KLC3: variants seen among roughly 807,000 people sequenced by gnomAD.
The protein encoded by KLC3 is kinesin light chain 2.
In KLC3, 72 loss-of-function variants were observed where a neutral mutation model predicts 62.9. The observed-to-expected ratio is 1.15, with a 90% CI of 0.95 to 1.39. The LOEUF (loss-of-function observed/expected upper bound fraction) is 1.39. Among genes scored for constraint, KLC3 ranks in the 40% most tolerant of loss-of-function variants. The probability of loss-of-function intolerance (pLI) is 0.00; values close to 1 mark genes in which losing one functional copy is unlikely to be tolerated. For synonymous variants in KLC3, 377 were observed against 300.5 expected (o/e 1.25, Z -2.63); for missense variants, 848 against 691.6 (o/e 1.23, Z -2.54).
At chr19:45,344,232 T>A (rs1319102701) in intron 1 of KLC3, among the ~76,000 whole-genome samples, 12 of 146,756 alleles carry the variant, frequency 8.2e-5, no homozygotes, top group African/African-American at 2.5e-4. Context: ...TTTTTTTTTT[T>A]AAATGAAGTC....
At position 45,350,622 on chromosome 19, in the gene KLC3, A is replaced by G; in HGVS notation, c.1273-19A>G. The G allele has an allele frequency of 6.2e-7, 1 of 1,612,552 alleles. No individual in the cohort carries two copies. Among genetic ancestry groups the G allele is most frequent in the South Asian group, 1.1e-5 (1 of 91,024 alleles). On this transcript the variant is annotated intron_variant, in intron 10 of 12. Transcript: ENST00000391946. ...GCATGGGCCTGGGGGACTGAGCAGCATCCCCGGCCCCTCCCCAGGCCCTTC... is the reference window on the plus strand; with the variant it reads ...GCATGGGCCTGGGGGACTGAGCAGCGTCCCCGGCCCCTCCCCAGGCCCTTC...
In KLC3 at chr19:45,350,798, GCCCAC is replaced by G. The variant is rs776996317; in HGVS notation, c.1379+60_1379+64del. 53 of 1,434,908 alleles carry G rather than the reference GCCCAC, an allele frequency of 3.7e-5. No individual in the cohort carries two copies. In the African/African-American group the frequency reaches 6.1e-4, roughly 17 times the overall value. 88.9% of individuals were successfully genotyped at this position (1,434,908 alleles called of 1,614,324 possible). A position where few individuals can be genotyped will look rare whatever the true frequency, so the allele number is the denominator to read the frequency against. On this transcript the variant is annotated intron_variant, in intron 11 of 12. Transcript: ENST00000391946. Reference sequence around the variant, plus strand: ...AGCCCTGACATCAGCAGAATCCACAGCCCACCCCACCCCCACCCCCATCTTGCTCA... The same window carrying G: ...AGCCCTGACATCAGCAGAATCCACAGCCCACCCCCACCCCCATCTTGCTCA...
At chr19:45,346,986 A>G (rs1971514755) in intron 3 of KLC3, 1 of 521,304 alleles carries the variant, frequency 1.9e-6, no homozygotes, top group Non-Finnish European at 3.4e-6. Flanking sequence ...CTACTCCACG[A>G]AGCCCCCGAG....
In KLC3 at chr19:45,348,882, A is replaced by G; in HGVS notation, c.930A>G (p.Ala310=). The G allele has an allele frequency of 1.9e-6, 3 of 1,588,640 alleles. No individual in the cohort carries two copies. The highest frequency in any genetic ancestry group is 3.6e-5 in the Admixed American group (2 of 55,600). ...GGAAGCGTGGGCGTTACCGGGAGGCAGAGCCCCTGTGCCAGCGCGCTTTGG... is the reference window on the plus strand; with the variant it reads ...GGAAGCGTGGGCGTTACCGGGAGGCGGAGCCCCTGTGCCAGCGCGCTTTGG... The part of the protein sequence containing the change: ...LYGKRGRYRE[A]EPLCQRALEI... The change falls in exon 7 of 13, where the codon GCA becomes GCG. Residue 310 remains alanine (A), a synonymous_variant. Transcript: ENST00000391946.
intron 1 of KLC3, among the ~76,000 whole-genome samples, chr19:45,342,777 A>C (rs1457506582): frequency 6.6e-6 from 1 of 152,132 alleles, no homozygotes; most frequent in East Asian, 1.9e-4. Context: ...AAAAAAATAA[A>C]ATTAAATTTT....
chr19:45,344,380 T>C (rs1267646676), intron 1 of KLC3, among the ~76,000 whole-genome samples: 2 of 51,732 alleles, frequency 3.9e-5, no homozygotes, highest in Admixed American at 1.7e-4. Flanking sequence ...TGCTCTGCTA[T>C]TTTTTTTTTT....
At position 45,345,790 on chromosome 19, in the gene KLC3, CGAGGCCCAGGTATGA is replaced by C; in HGVS notation, c.251_258+7del. ...TGGAGGCCATCGAGCTGGGGCTGGGCGAGGCCCAGGTATGAGGGGGCCAGGTGGGGAGCTGGGGGA... is the reference window on the plus strand; with the variant it reads ...TGGAGGCCATCGAGCTGGGGCTGGGCGGGGGCCAGGTGGGGAGCTGGGGGA... On this transcript the variant is annotated splice_donor_variant and splice_donor_5th_base_variant and coding_sequence_variant and intron_variant, in exon 2 of 13. Transcript: ENST00000391946. LOFTEE classifies it high-confidence loss of function. 1.3e-6 allele frequency: 2 copies of C among 1,537,074 alleles called. No individual in the cohort carries two copies. The highest frequency in any genetic ancestry group is 4.4e-4 in the Middle Eastern group (2 of 4,578).
In KLC3 at chr19:45,348,824, C is replaced by T. The variant is rs1030136012; in HGVS notation, c.872C>T (p.Ala291Val). The T allele has an allele frequency of 1.4e-5, 22 of 1,565,554 alleles. No homozygotes were observed. The highest frequency in any genetic ancestry group is 3.8e-5 in the Admixed American group (2 of 52,032). Residue 291 changes from alanine to valine, a missense_variant, in exon 7 of 13, where the codon GCC becomes GTC. By Grantham distance (64) the Ala-to-Val change is moderately conservative (BLOSUM62 0). Transcript: ENST00000391946. ...GTGCCTCCCCCAACCCCGCAGGTGG[C>T]CGCCACGCTCAACAACTTGGCTGTC... ...QTLGPEHPAV[A>V]ATLNNLAVLY... is the part of the protein sequence containing the mutation.
At chr19:45,351,150 G>A (rs1971746925) in intron 12 of KLC3, 133 bp downstream of exon 12, 6 of 1,593,998 alleles carry the variant, frequency 3.8e-6, no homozygotes, top group South Asian at 3.4e-5. Context: ...CCCAGGACAG[G>A]AGCAAAGATG....
intron 8 of KLC3, 59 bp from the exon 9 acceptor site, chr19:45,350,282 C>G (rs1971665428): frequency 1.6e-6 from 2 of 1,244,746 alleles, no homozygotes; most frequent in East Asian, 2.3e-5. Flanking sequence ...AAAGGCGGGA[C>G]TGGATGCAGT....
chr19:45,349,724 T>G (rs1230876800), intron 8 of KLC3, 122 bp downstream of exon 8: 2 of 914,746 alleles, frequency 2.2e-6, no homozygotes, highest in Admixed American at 6.1e-5. Context: ...GCCGGGCCCT[T>G]GGAGCAAGTG....
At chr19:45,341,576 T>C (rs113468426) in intron 1 of KLC3, among the ~76,000 whole-genome samples, 4,671 of 129,932 alleles carry the variant, frequency 0.036, 77 homozygotes, top group Non-Finnish European at 0.047. Flanking sequence ...TGTGTGTGTG[T>C]GTGCGCGCGC....
In KLC3 at chr19:45,350,726, AGGC is replaced by A. The variant is rs758554856; in HGVS notation, c.1365_1367del (p.Ala456del). On this transcript the variant is annotated inframe_deletion, in exon 11 of 13. Transcript: ENST00000391946. Reference sequence around the variant, plus strand: ...AAGCTGGTCTCCCGGCTCCGAGGCGAGGCGGCGGCAGGAGCAGCCGGGTGAGTG... The same window carrying A: ...AAGCTGGTCTCCCGGCTCCGAGGCGAGGCGGCAGGAGCAGCCGGGTGAGTG... The A allele has an allele frequency of 6.8e-5, 110 of 1,612,726 alleles. No homozygotes were observed. In the African/African-American group the frequency reaches 1.2e-3, roughly 18 times the overall value.
chr19:45,346,889 C>T (rs1488377123), intron 3 of KLC3, 115 bp downstream of exon 3: 9 of 1,007,012 alleles, frequency 8.9e-6, no homozygotes, highest in Non-Finnish European at 1.3e-5. Context: ...TCCCACAGTC[C>T]CCCAGACCCT....
chr19:45,351,357 A>T lies in KLC3; in HGVS notation c.1515A>T (p.Ter505TyrextTer47). 1 of 1,610,554 alleles carries T rather than the reference A, an allele frequency of 6.2e-7. No homozygotes were observed. Among genetic ancestry groups the T allele is most frequent in the Non-Finnish European group, 8.5e-7 (1 of 1,179,982 alleles). The change falls in exon 13 of 13, where the codon TAA becomes TAT. Residue 505 changes from the stop codon to tyrosine (Y), a stop_lost. Transcript: ENST00000391946. ...GCACCCAGGACCTGAGCCCCCACTAACGTCCAGTGAACTGCGCTGGCCGCA... is the reference window on the plus strand; with the variant it reads ...GCACCCAGGACCTGAGCCCCCACTATCGTCCAGTGAACTGCGCTGGCCGCA... ...SASTQDLSPH[*>Y] is the part of the protein sequence containing the mutation.
Position 45,349,499 on chromosome 19 carries a change from G to C in KLC3, c.1040G>C (p.Gly347Ala). ...NNLALLCQNQ[G>A]KFEDVERHYA... ...CTGGCCCTGCTGTGCCAGAACCAGG[G>C]CAAGTTTGAGGACGTGGAGCGGCAC... Residue 347 changes from glycine to alanine, a missense_variant, in exon 8 of 13, where the codon GGC (glycine) becomes GCC (alanine). Physicochemically the swap from Gly to Ala is moderately conservative, Grantham distance 60. Coordinates refer to ENST00000391946, the MANE Select transcript of KLC3 (RefSeq NM_177417.3). 6.2e-7 allele frequency: 1 copy of C among 1,613,634 alleles called. No homozygotes were observed. The highest frequency in any genetic ancestry group is 8.5e-7 in the Non-Finnish European group (1 of 1,179,830).
chr19:45,343,876 T>C (rs1971437353), intron 1 of KLC3, among the ~76,000 whole-genome samples: 1 of 152,048 alleles, frequency 6.6e-6, no homozygotes, highest in African/African-American at 2.4e-5. Context: ...GTCTTACTCT[T>C]TCACCCAGGC....
chr19:45,347,868 C>T (rs1402385293), intron 4 of KLC3, 73 bp from the exon 5 acceptor site: 2 of 1,262,512 alleles, frequency 1.6e-6, no homozygotes, highest in Admixed American at 2.1e-5. Flanking sequence ...AGTTCTGAGG[C>T]ACGTGTCCCC....
Position 45,345,607 on chromosome 19 carries a change from G to A in KLC3, c.66G>A (p.Glu22=). The part of the protein sequence containing the change: ...GLGPERLSPE[E]LVRQTRQVVQ... ...GCCCAGAGCGCCTGAGCCCTGAGGA[G>A]CTGGTGCGGCAGACGCGGCAAGTGG... is the stretch of plus-strand genomic sequence containing the variant. Residue 22 remains glutamate, a synonymous_variant, in exon 2 of 13, where the codon GAG becomes GAA. Coordinates refer to ENST00000391946, the MANE Select transcript of KLC3 (RefSeq NM_177417.3). The A allele has an allele frequency of 6.3e-7, 1 of 1,578,364 alleles. No homozygotes were observed.
Sources: gnomAD v4.1 joint callset for allele counts (sites outside exome capture counted in the v4.1 genomes callset) on GRCh38, gnomAD v4.1.1 for gene constraint, MANE v1.5 for transcripts, NCBI Gene and HGNC (gene_info 2026-07-23, HGNC 2026-07-21) for gene names.